ELAVL4: variants seen among roughly 807,000 people sequenced by gnomAD.
The protein encoded by ELAVL4 is ELAV-like protein 4.
A neutral mutation model predicts 35.6 loss-of-function variants in ELAVL4; 1 was observed. That is an observed-to-expected ratio of 0.03 (90% CI 0.01 to 0.13). The LOEUF is 0.13. Among genes scored for constraint, ELAVL4 ranks in the 10% least tolerant of loss-of-function variants. The pLI, the probability that ELAVL4 is intolerant of heterozygous loss-of-function variation, is 1.00. For missense variants in ELAVL4, 267 were observed against 464.9 expected (o/e 0.57, Z 3.91); for synonymous variants, 156 against 171.0 (o/e 0.91, Z 0.69).
intron 3 of ELAVL4, among the ~76,000 whole-genome samples, chr1:50,187,110 C>G (rs1205013818): frequency 1.3e-5 from 2 of 152,174 alleles, no homozygotes; most frequent in African/African-American, 2.4e-5. Flanking sequence ...CCTCATCTCC[C>G]CAGGGACTTG....
At chr1:50,090,911 C>T (rs534122504) in intron 1 of ELAVL4, among the ~76,000 whole-genome samples, 1 of 152,202 alleles carries the variant, frequency 6.6e-6, no homozygotes, top group South Asian at 2.1e-4. Context: ...CAGAGGTAGC[C>T]CAAAATGAGG....
intron 1 of ELAVL4, among the ~76,000 whole-genome samples, chr1:50,132,956 TAATC>T (rs987881698): frequency 8.5e-5 from 13 of 152,222 alleles, no homozygotes; most frequent in Admixed American, 1.3e-4. Flanking sequence ...ATAATTGAGA[TAATC>T]AATCTTTTAT....
chr1:50,124,947 T>G (rs1183009929), intron 1 of ELAVL4, among the ~76,000 whole-genome samples: 1 of 152,144 alleles, frequency 6.6e-6, no homozygotes, highest in Non-Finnish European at 1.5e-5. Context: ...TTAATTTGTG[T>G]CCCATTCTTC....
At chr1:50,089,564 G>A (rs1299820965) in intron 1 of ELAVL4, among the ~76,000 whole-genome samples, 1 of 152,060 alleles carries the variant, frequency 6.6e-6, no homozygotes, top group Non-Finnish European at 1.5e-5. Context: ...ACCAGCCTAG[G>A]CAACATGGCA....
rs962676490 is a variant in ELAVL4 at position 50,145,341 on chromosome 1, A to G, written c.250+144A>G. ...GGATACACAGTCATAAACTCACACT[A>G]CATACACCACATAAGACCTTATTGT... On this transcript the variant is annotated intron_variant, in intron 2 of 6. Transcript: ENST00000371824. 7 of 1,228,198 alleles carry G rather than the reference A, an allele frequency of 5.7e-6. No homozygotes were observed. The African/African-American group carries it at 6.0e-5, about 11-fold the overall frequency. The allele number at this position is 1,228,198 out of a possible 1,614,324, so 76.1% of individuals were successfully genotyped here.
chr1:50,150,207 CA>C (rs1417412000), intron 2 of ELAVL4, among the ~76,000 whole-genome samples: 1 of 152,160 alleles, frequency 6.6e-6, no homozygotes, highest in Admixed American at 6.5e-5. Context: ...AAAATTCAGT[CA>C]GTTAGAGTTG....
chr1:50,192,519 G>GCACACACACACACACACA (rs5774068), intron 3 of ELAVL4, among the ~76,000 whole-genome samples: 19 of 140,446 alleles, frequency 1.4e-4, no homozygotes, highest in South Asian at 4.9e-4. Context: ...TTGTGTGCAC[G>GCACACACACACACACACA]CACACACACA....
At chr1:50,122,355 G>C (rs1248033681) in intron 1 of ELAVL4, among the ~76,000 whole-genome samples, 1 of 152,056 alleles carries the variant, frequency 6.6e-6, no homozygotes, top group Non-Finnish European at 1.5e-5. Flanking sequence ...CAGGCACATA[G>C]AGTACTGTAT....
Position 50,060,214 on chromosome 1 carries a change from A to AAATT in ELAVL4, c.18+12032_18+12033insAATT, listed in dbSNP as rs556788008. ...TGTTCATTACAAGTAAAAACAGAAT[A>AAATT]GTCAAATCTCTTTATACAAAACCTA... On this transcript the variant is annotated intron_variant, in intron 1 of 6. Coordinates refer to the ELAVL4 transcript ENST00000448907. Among the ~76,000 whole-genome samples, 52 of 152,356 alleles carry AAATT rather than the reference A, an allele frequency of 3.4e-4. 1 individual carries two copies. In the South Asian group the frequency reaches 9.5e-3, roughly 28 times the overall value.
intron 2 of ELAVL4, among the ~76,000 whole-genome samples, chr1:50,170,913 A>G (rs544740673): frequency 6.6e-5 from 10 of 152,202 alleles, no homozygotes; most frequent in East Asian, 3.9e-4. Flanking sequence ...TGCACCTGTA[A>G]TCTCAGCTAC....
chr1:50,095,553 T>TACAC (rs550327259), intron 1 of ELAVL4, among the ~76,000 whole-genome samples: 23 of 151,790 alleles, frequency 1.5e-4, no homozygotes, highest in Admixed American at 7.2e-4. Flanking sequence ...ATATAATTTT[T>TACAC]ACACACACAC....
At chr1:50,154,018 A>C (rs1274407823) in intron 2 of ELAVL4, among the ~76,000 whole-genome samples, 1 of 152,234 alleles carries the variant, frequency 6.6e-6, no homozygotes, top group Non-Finnish European at 1.5e-5. Context: ...TAAGCCACCC[A>C]GTCTGTGGTA....
At chr1:50,126,848 A>G (rs1670012108) in intron 1 of ELAVL4, among the ~76,000 whole-genome samples, 1 of 152,068 alleles carries the variant, frequency 6.6e-6, no homozygotes, top group Non-Finnish European at 1.5e-5. Context: ...GATTTTCCAA[A>G]TATTTGTCAA....
In ELAVL4 at chr1:50,144,933, TCAA is replaced by T. The variant is rs1673426141; in HGVS notation, c.10-23_10-21del. On this transcript the variant is annotated intron_variant, in intron 1 of 6. Coordinates refer to ENST00000371824, the MANE Select transcript of ELAVL4 (RefSeq NM_001144774.3). ...GTGTCTGAGATTTCAAAAGGCTTTT[TCAA>T]TTGTTTTTATTTTTATTTAGATAAT... The T allele has an allele frequency of 5.6e-6, 9 of 1,596,972 alleles. No individual in the cohort carries two copies. In the African/African-American group the frequency reaches 9.5e-5, roughly 17 times the overall value.
At chr1:50,163,383 G>A (rs1045938310) in intron 2 of ELAVL4, among the ~76,000 whole-genome samples, 1 of 152,160 alleles carries the variant, frequency 6.6e-6, no homozygotes, top group Non-Finnish European at 1.5e-5. Flanking sequence ...GAAGATGGCT[G>A]ATACTAAAGT....
intron 1 of ELAVL4, chr1:50,110,027 GCTTGTA>G: frequency 4.5e-6 from 7 of 1,569,564 alleles, no homozygotes; most frequent in Middle Eastern, 1.7e-4. Flanking sequence ...GTGTGTGTGT[GCTTGTA>G]TGTGTGTATG....
chr1:50,074,507 G>A (rs12084441), intron 1 of ELAVL4, among the ~76,000 whole-genome samples: 2,990 of 152,230 alleles, frequency 0.02, 112 homozygotes, highest in African/African-American at 0.069. Context: ...ATTCACTGAG[G>A]CTGATTATAT....
intron 2 of ELAVL4, among the ~76,000 whole-genome samples, chr1:50,162,566 G>T (rs1266841212): frequency 2.0e-5 from 3 of 152,126 alleles, no homozygotes; most frequent in African/African-American, 7.2e-5. Context: ...GGGAATTCGG[G>T]TCCTGGGTTT....
rs1180198150 is a variant in ELAVL4 at position 50,197,536 on chromosome 1, T to TA, written c.773+71dup. 8 of 1,325,160 alleles carry TA rather than the reference T, an allele frequency of 6.0e-6. No homozygotes were observed. In the African/African-American group the frequency reaches 1.1e-4, roughly 18 times the overall value. 82.1% of individuals were successfully genotyped at this position (1,325,160 alleles called of 1,614,324 possible). On this transcript the variant is annotated intron_variant, in intron 6 of 6. Coordinates refer to ENST00000371824, the MANE Select transcript of ELAVL4 (RefSeq NM_001144774.3). ...GACTGGGGCTAGAATTTTTTTTTTT[T>TA]AATTCACTAACTTTACTTTAAAAGA...
Sources: allele counts gnomAD v4.1 joint callset (sites outside exome capture counted in the v4.1 genomes callset), GRCh38; gene constraint gnomAD v4.1.1; transcripts MANE v1.5; gene names NCBI Gene and HGNC (gene_info 2026-07-23, HGNC 2026-07-21).